GRID1: variants seen among roughly 807,000 people sequenced by gnomAD.
GRID1 encodes glutamate ionotropic receptor delta type subunit 1, also known as glutamate receptor ionotropic, delta-1.
Under a neutral mutation model 98.0 loss-of-function variants are expected in GRID1, and 28 were observed. That is an observed-to-expected ratio of 0.29 (90% confidence interval 0.21 to 0.39). The LOEUF is 0.39. Ranked by LOEUF, GRID1 falls within the 10% of genes least tolerant of loss-of-function variation. GRID1 has a pLI of 1.00. For missense variants in GRID1, 1,111 were observed against 1,340.5 expected (o/e 0.83, Z 2.67); for synonymous variants, 553 against 538.5 (o/e 1.03, Z -0.37).
chr10:86,104,105 G>A (rs559570469), intron 4 of GRID1, among the ~76,000 whole-genome samples: 8 of 152,264 alleles, frequency 5.3e-5, no homozygotes, highest in South Asian at 2.1e-4. Context: ...CTTATCCCAC[G>A]GGGTAGGCAC....
chr10:86,231,993 G>A (rs542030282), intron 2 of GRID1, among the ~76,000 whole-genome samples: 5 of 148,208 alleles, frequency 3.4e-5, no homozygotes, highest in South Asian at 2.1e-4. Context: ...CCGTGTATCC[G>A]CATGGACATT....
chr10:85,736,223 G>A (rs1271215482), intron 8 of GRID1, among the ~76,000 whole-genome samples: 1 of 141,430 alleles, frequency 7.1e-6, no homozygotes, highest in African/African-American at 2.7e-5. Flanking sequence ...AAGGAGGGAA[G>A]GAAGGAGAGA....
chr10:86,106,801 G>A (rs768536825), intron 4 of GRID1, among the ~76,000 whole-genome samples: 3 of 152,132 alleles, frequency 2.0e-5, no homozygotes, highest in African/African-American at 7.2e-5. Context: ...GGAGAGTTCC[G>A]GGAATGGGCA....
At chr10:85,889,269 T>C (rs1392052692) in intron 5 of GRID1, among the ~76,000 whole-genome samples, 1 of 152,134 alleles carries the variant, frequency 6.6e-6, no homozygotes, top group Non-Finnish European at 1.5e-5. Flanking sequence ...AACAGAGCAA[T>C]GTGGAAATAG....
intron 4 of GRID1, among the ~76,000 whole-genome samples, chr10:85,976,136 TC>T (rs1363212159): frequency 6.6e-6 from 1 of 152,224 alleles, no homozygotes; most frequent in Non-Finnish European, 1.5e-5. Context: ...TTCTCTTTTT[TC>T]CCCTTAATTA....
chr10:86,301,244 C>T (rs1216039849), intron 2 of GRID1, among the ~76,000 whole-genome samples: 2 of 152,154 alleles, frequency 1.3e-5, no homozygotes, highest in Admixed American at 6.5e-5. Context: ...TGCTGGGGGC[C>T]CTGGCAGACT....
At chr10:85,678,198 G>A (rs917355450) in intron 12 of GRID1, among the ~76,000 whole-genome samples, 5 of 152,162 alleles carry the variant, frequency 3.3e-5, no homozygotes, top group African/African-American at 1.2e-4. Context: ...GGAAGGTCAG[G>A]GTTCTGCTGG....
chr10:85,847,482 GAATTA>G (rs1843017285), intron 8 of GRID1, among the ~76,000 whole-genome samples: 1 of 151,860 alleles, frequency 6.6e-6, no homozygotes, highest in Non-Finnish European at 1.5e-5. Flanking sequence ...GTACAAATGT[GAATTA>G]AATTAAAGCT....
intron 15 of GRID1, chr10:85,605,626 G>C (rs928525740): frequency 1.3e-5 from 2 of 152,212 alleles, no homozygotes; most frequent in African/African-American, 4.8e-5. Flanking sequence ...TGGGAAGCAG[G>C]TGTCTAGGTT....
In GRID1 at chr10:85,983,192, G is replaced by A. The variant is rs189917699; in HGVS notation, c.727-66953C>T. Among the ~76,000 whole-genome samples the A allele has an allele frequency of 4.6e-5, 7 of 152,290 alleles. 1 individual carries two copies. The highest frequency in any genetic ancestry group is 1.3e-4 in the Admixed American group (2 of 15,302). ...CACCTTGTCTGAAGTGAGGATGACC[G>A]GACAGCCTCTGTTGAGTTCATGAGT... On this transcript the variant is annotated intron_variant, in intron 4 of 15. Coordinates refer to ENST00000327946, the MANE Select transcript of GRID1 (RefSeq NM_017551.3).
intron 8 of GRID1, among the ~76,000 whole-genome samples, chr10:85,845,573 CAA>C (rs1842997675): frequency 6.6e-6 from 1 of 152,056 alleles, no homozygotes; most frequent in Non-Finnish European, 1.5e-5. Flanking sequence ...TAAGAAAATA[CAA>C]AGAGTCAAGA....
intron 2 of GRID1, among the ~76,000 whole-genome samples, chr10:86,207,912 G>A (rs1846056433): frequency 6.6e-6 from 1 of 152,156 alleles, no homozygotes; most frequent in Admixed American, 6.5e-5. Flanking sequence ...TTACAGGCGT[G>A]AGCCACCGCG....
intron 4 of GRID1, among the ~76,000 whole-genome samples, chr10:86,037,888 C>T (rs923703914): frequency 5.3e-5 from 8 of 151,880 alleles, no homozygotes; most frequent in African/African-American, 1.2e-4. Flanking sequence ...AAAATTCATA[C>T]GTTAAAGGCC....
At chr10:86,211,401 G>A (rs116994264) in intron 2 of GRID1, among the ~76,000 whole-genome samples, 3,701 of 152,272 alleles carry the variant, frequency 0.024, 60 homozygotes, top group Non-Finnish European at 0.034. Context: ...TGTAATGAGC[G>A]GCTTCCAGCC....
intron 8 of GRID1, among the ~76,000 whole-genome samples, chr10:85,743,531 A>T (rs1369804883): frequency 6.6e-6 from 1 of 152,174 alleles, no homozygotes; most frequent in East Asian, 1.9e-4. Context: ...TGGCTTTGAG[A>T]CTGTGTCTAG....
At chr10:85,694,134 T>G (rs1043325119) in intron 12 of GRID1, among the ~76,000 whole-genome samples, 3 of 152,074 alleles carry the variant, frequency 2.0e-5, no homozygotes, top group Non-Finnish European at 2.9e-5. Flanking sequence ...CAAACACTTT[T>G]CAAAAGGAAA....
At chr10:86,090,223 G>A (rs1459500042) in intron 4 of GRID1, among the ~76,000 whole-genome samples, 1 of 150,966 alleles carries the variant, frequency 6.6e-6, no homozygotes, top group Admixed American at 6.6e-5. Context: ...ATCAAGACCA[G>A]CCTGGGCAAC....
chr10:86,176,747 T>C (rs906481493), intron 3 of GRID1, among the ~76,000 whole-genome samples: 7 of 152,110 alleles, frequency 4.6e-5, no homozygotes, highest in Admixed American at 6.5e-5. Flanking sequence ...AAAGAAGACA[T>C]TGGTGACAGA....
intron 3 of GRID1, among the ~76,000 whole-genome samples, chr10:86,201,691 AAG>A (rs1268775611): frequency 6.3e-5 from 8 of 127,338 alleles, no homozygotes; most frequent in Non-Finnish European, 1.5e-4. Context: ...CCTAAAATAA[AAG>A]TTAAAAAAAA....
Sources: allele counts gnomAD v4.1 joint callset (sites outside exome capture counted in the v4.1 genomes callset), GRCh38; gene constraint gnomAD v4.1.1; transcripts MANE v1.5; gene names NCBI Gene and HGNC (gene_info 2026-07-23, HGNC 2026-07-21).